Variants in PP2D1 observed in about 807,000 individuals in gnomAD.
PP2D1 encodes protein phosphatase 2C like domain containing 1.
PP2D1 carries 25 observed loss-of-function variants against 30.2 expected under a neutral mutation model. The observed-to-expected ratio is 0.83, with a 90% CI of 0.60 to 1.16. PP2D1 has a LOEUF of 1.16. PP2D1 is among the 50% of genes most tolerant of loss of function. PP2D1 has a pLI of 0.00. For missense variants in PP2D1, 760 were observed against 742.4 expected, an observed-to-expected ratio of 1.02 and a Z score of -0.28; for synonymous variants, 260 against 258.9, an observed-to-expected ratio of 1.00 and a Z score of -0.04.
chr3:20,004,785 T>C (rs1022284456), intron 1 of PP2D1, among the ~76,000 whole-genome samples: 32 of 152,142 alleles, frequency 2.1e-4, no homozygotes, highest in Non-Finnish European at 7.3e-5. Flanking sequence ...AAAAATACTT[T>C]GGTTACAAAA....
At chr3:19,981,056 T>C (rs1195346795), downstream of PP2D1, among the ~76,000 whole-genome samples, 3 of 152,140 alleles carry the variant, frequency 2.0e-5, no homozygotes, top group African/African-American at 7.2e-5. Context: ...TAGTGGTCTG[T>C]CCCCAAGATT....
rs539848586 is a variant in PP2D1 at position 19,985,717 on chromosome 3, G to T, written c.1556C>A (p.Ser519Tyr). The change falls in exon 3 of 3, where the codon TCT (serine) becomes TAT (tyrosine). Residue 519 changes from serine (S) to tyrosine (Y), a missense_variant. Coordinates refer to ENST00000389050, the MANE Select transcript of PP2D1 (RefSeq NM_001252657.2). ...AGTTGACACACGTACTTCAGATACA[G>T]ATTTATACTGAAACAATACGTGGAT... is the stretch of plus-strand genomic sequence containing the variant. ...SNIHVLFQYKSVSEVRVSTTN... is the reference protein window; with the variant it reads ...SNIHVLFQYKYVSEVRVSTTN... 1 of 1,535,752 alleles carries T rather than the reference G, an allele frequency of 6.5e-7. No homozygotes were observed. The highest frequency in any genetic ancestry group is 1.2e-5 in the South Asian group (1 of 84,056).
At position 20,001,736 on chromosome 3, in the gene PP2D1, T is replaced by C. The variant is rs1225290532; in HGVS notation, c.384A>G (p.Leu128=). The C allele has an allele frequency of 6.5e-7, 1 of 1,531,766 alleles. No individual in the cohort carries two copies. Among genetic ancestry groups the C allele is most frequent in the Non-Finnish European group, 8.7e-7 (1 of 1,145,202 alleles). 94.9% of individuals were successfully genotyped at this position (1,531,766 alleles called of 1,614,324 possible). A position where few individuals can be genotyped will look rare whatever the true frequency, so the allele number is the denominator to read the frequency against. The stretch of plus-strand genomic sequence containing the variant: ...GCTCAAAAGCATTATTAATGCTCTG[T>C]AGGGTTTTTTCAGTGAACATAAAAG... The part of the protein sequence containing the change: ...LSSFMFTEKT[L]QSINNAFELL... Residue 128 remains leucine (L), a synonymous_variant, in exon 2 of 3, where the codon CTA becomes CTG. Transcript: ENST00000389050.
At chr3:19,989,019 A>C (rs564926410) in intron 2 of PP2D1, among the ~76,000 whole-genome samples, 35 of 152,278 alleles carry the variant, frequency 2.3e-4, no homozygotes, top group Middle Eastern at 6.8e-3. Context: ...CCATGCAACT[A>C]GTATAGTGGT....
rs1697023104 is a variant in PP2D1, at chr3:19,985,802, A to G, written c.1471T>C (p.Ser491Pro). The change falls in exon 3 of 3, where the codon TCC (serine) becomes CCC (proline). Residue 491 changes from serine to proline, a missense_variant. Coordinates refer to ENST00000389050, the MANE Select transcript of PP2D1 (RefSeq NM_001252657.2). Reference protein sequence around the residue: ...YCPIIPNKSPSKGPLLFSTSE... With the variant: ...YCPIIPNKSPPKGPLLFSTSE... ...GTTGAAAAAAGCAGAGGCCCTTTGG[A>G]TGGTGATTTGTTAGGTATGATAGGA... 6.5e-7 allele frequency: 1 copy of G among 1,535,970 alleles called. No homozygotes were observed. Among genetic ancestry groups the G allele is most frequent in the Non-Finnish European group, 8.7e-7 (1 of 1,146,886 alleles).
rs779420834 is a variant in PP2D1 at position 20,001,870 on chromosome 3, G to T, written c.250C>A (p.Gln84Lys). 7 of 1,536,052 alleles carry T rather than the reference G, an allele frequency of 4.6e-6. No individual in the cohort carries two copies. Among genetic ancestry groups the T allele is most frequent in the Non-Finnish European group, 6.1e-6 (7 of 1,146,832 alleles). ...DLTGIFLHKK[Q>K]HVALATLGFQ... The stretch of plus-strand genomic sequence containing the variant: ...CCCAGCGTGGCCAGAGCTACATGTT[G>T]CTTCTTATGGAGAAAAATACCAGTT... The change falls in exon 2 of 3, where the codon CAA becomes AAA. Residue 84 changes from glutamine to lysine, a missense_variant. This residue lies in a region of PP2D1 where 374 missense variants were observed against 388.8 expected (regional missense o/e 0.96). Transcript: ENST00000389050.
chr3:19,995,054 A>C (rs1697160104), intron 2 of PP2D1, among the ~76,000 whole-genome samples: 1 of 152,202 alleles, frequency 6.6e-6, no homozygotes, highest in South Asian at 2.1e-4. Flanking sequence ...TAATTGGACC[A>C]AACTCAACAC....
rs771684440 is a variant in PP2D1 at position 19,986,038 on chromosome 3, C to T, written c.1235G>A (p.Gly412Glu). The change falls in exon 3 of 3, where the codon GGG (glycine) becomes GAG (glutamate). Residue 412 changes from glycine (G) to glutamate (E), a missense_variant. This residue lies in a region of PP2D1 where 369 missense variants were observed against 316.2 expected (regional missense o/e 1.17). Transcript: ENST00000389050. ...SSNEPYGLVE[G>E]QVKTTRGLGF... The stretch of plus-strand genomic sequence containing the variant: ...AAGTCCTCGTGTAGTTTTTACTTGC[C>T]CCTCTACAAGCCCGTATGGTTCATT... The T allele has an allele frequency of 2.6e-5, 40 of 1,535,910 alleles. No homozygotes were observed. The highest frequency in any genetic ancestry group is 3.0e-5 in the Non-Finnish European group (34 of 1,146,866).
chr3:19,985,885 T>G lies in PP2D1; in HGVS notation c.1388A>C (p.Lys463Thr), dbSNP rs1451878817. The part of the protein sequence containing the change: ...ATNGLWEVLD[K>T]EEVTALAMTT... ...CATTGCCAGGGCAGTAACTTCCTCT[T>G]TATCCAAAACTTCCCAAAGTCCATT... Residue 463 changes from lysine to threonine, a missense_variant, in exon 3 of 3, where the codon AAA becomes ACA. Transcript: ENST00000389050. 6.5e-7 allele frequency: 1 copy of G among 1,536,374 alleles called. No individual in the cohort carries two copies. Among genetic ancestry groups the G allele is most frequent in the African/African-American group, 1.4e-5 (1 of 73,060 alleles).
At chr3:19,998,515 G>A (rs1267603759) in intron 2 of PP2D1, among the ~76,000 whole-genome samples, 1 of 152,110 alleles carries the variant, frequency 6.6e-6, no homozygotes, top group Non-Finnish European at 1.5e-5. Flanking sequence ...TAAATACTCT[G>A]ATTTGATCAT....
intron 2 of PP2D1, among the ~76,000 whole-genome samples, chr3:20,000,000 T>A (rs1697231686): frequency 6.6e-6 from 1 of 152,188 alleles, no homozygotes; most frequent in Non-Finnish European, 1.5e-5. Context: ...ACAGGCTGAC[T>A]TTCTGGCACC....
Position 19,987,494 on chromosome 3 carries a change from G to A in PP2D1, c.1091-1312C>T, listed in dbSNP as rs541417214. Among the ~76,000 whole-genome samples, 592 of 152,152 alleles carry A rather than the reference G, an allele frequency of 3.9e-3. 2 individuals are homozygous for A. The highest frequency in any genetic ancestry group is 0.01 in the Middle Eastern group (3 of 294). ...TTGAGATTTAAAATTCCTGGAATAG[G>A]AAGCCAAATTTACATAGAATATTCT... On this transcript the variant is annotated intron_variant, in intron 2 of 2. Transcript: ENST00000389050.
chr3:20,002,802 T>C (rs560825933), intron 1 of PP2D1, among the ~76,000 whole-genome samples: 1 of 152,130 alleles, frequency 6.6e-6, no homozygotes. Context: ...ACACCTGTAA[T>C]CCCAGCACTT....
chr3:19,991,552 G>C (rs1027970757), intron 2 of PP2D1, among the ~76,000 whole-genome samples: 10 of 152,192 alleles, frequency 6.6e-5, no homozygotes, highest in African/African-American at 2.4e-4. Flanking sequence ...AACGTTGCCA[G>C]GGGTAATAAG....
intron 2 of PP2D1, among the ~76,000 whole-genome samples, chr3:19,988,636 T>C (rs1379619231): frequency 6.6e-6 from 1 of 152,142 alleles, no homozygotes; most frequent in Non-Finnish European, 1.5e-5. Context: ...CTCCCTCCCG[T>C]TTGAAAATCA....
At chr3:19,992,368 A>C (rs896180747) in intron 2 of PP2D1, among the ~76,000 whole-genome samples, 2 of 152,190 alleles carry the variant, frequency 1.3e-5, no homozygotes, top group African/African-American at 2.4e-5. Flanking sequence ...AAAACGGAGA[A>C]GGGGAAGGGA....
At chr3:20,007,957 CCTT>C (rs10609929) in intron 1 of PP2D1, 97 of 223,110 alleles carry the variant, frequency 4.3e-4, no homozygotes, top group African/African-American at 1.9e-3. Flanking sequence ...CTGCCAATCT[CCTT>C]AACTCGATAG....
At chr3:20,006,706 C>G (rs1214861391) in intron 1 of PP2D1, among the ~76,000 whole-genome samples, 1 of 152,052 alleles carries the variant, frequency 6.6e-6, no homozygotes, top group Non-Finnish European at 1.5e-5. Flanking sequence ...ATGTGATCCA[C>G]CCGCCCTGCC....
chr3:20,005,756 C>T (rs1479941066), intron 1 of PP2D1, among the ~76,000 whole-genome samples: 3 of 151,802 alleles, frequency 2.0e-5, no homozygotes, highest in Non-Finnish European at 4.4e-5. Flanking sequence ...AGGTATGCAT[C>T]GTCATGTTCT....
Sources: allele counts gnomAD v4.1 joint callset (sites outside exome capture counted in the v4.1 genomes callset), GRCh38; gene constraint gnomAD v4.1.1; regional missense constraint gnomAD v4.1.1; transcripts MANE v1.5; gene names NCBI Gene and HGNC (gene_info 2026-07-23, HGNC 2026-07-21).